The following VARS1 variants were observed in gnomAD, a reference collection of about 807,000 sequenced individuals.
VARS1 encodes the protein valyl-tRNA synthetase 1, also known as valine--tRNA ligase.
VARS1 carries 92 observed loss-of-function variants against 161.0 expected under a neutral mutation model. The observed-to-expected ratio is 0.57, with a 90% CI of 0.48 to 0.68. The LOEUF is 0.68. VARS1 is among the 30% of genes least tolerant of loss of function. The probability of loss-of-function intolerance (pLI) is 0.00; values close to 1 mark genes in which losing one functional copy is unlikely to be tolerated. For synonymous variants in VARS1, 595 were observed against 682.5 expected, an observed-to-expected ratio of 0.87 and a Z score of 2.00; for missense variants, 1,338 against 1,695.9, an observed-to-expected ratio of 0.79 and a Z score of 3.71.
chr6:31,782,728 G>T lies in VARS1; in HGVS notation c.1880C>A (p.Pro627His). The stretch of plus-strand genomic sequence containing the variant: ...TGCCTCAGGCAGCCTCACCAGGAAA[G>T]GCGGAGGCACATTGATGAGGGCCCC... ...SRGALINVPP[P>H]FLGLPRFEAR... Residue 627 changes from proline to histidine, a missense_variant, in exon 15 of 30, where the codon CCT becomes CAT. Physicochemically the swap from Pro to His is moderately conservative, Grantham distance 77. This residue lies in a region of VARS1 where 902 missense variants were observed against 1,090.3 expected (regional missense o/e 0.83). Coordinates refer to ENST00000375663, the MANE Select transcript of VARS1 (RefSeq NM_006295.3). This position sits in a 1 kb window ranked among gnomAD's most constrained non-coding sequence, Gnocchi z 8.3. The T allele has an allele frequency of 6.2e-7, 1 of 1,613,054 alleles. No homozygotes were observed. Among genetic ancestry groups the T allele is most frequent in the Non-Finnish European group, 8.5e-7 (1 of 1,180,002 alleles).
rs149378938 is a variant in VARS1 at position 31,779,470 on chromosome 6, G to A, written c.3355C>T (p.Arg1119Cys). ...ELALSITRAV[R>C]SLRADYNLTR... ...AGGTTGTAGTCGGCCCGCAGGGAGC[G>A]CACGGCTCGCGTGATGCTTAGCGCC... is the stretch of plus-strand genomic sequence containing the variant. Residue 1119 changes from arginine to cysteine, a missense_variant, in exon 28 of 30, where the codon CGC (arginine) becomes TGC (cysteine). Physicochemically the swap from Arg to Cys is radical, Grantham distance 180. Transcript: ENST00000375663. This position sits in a 1 kb window ranked among gnomAD's most constrained non-coding sequence, Gnocchi z 9.1. 18 of 1,612,532 alleles carry A rather than the reference G, an allele frequency of 1.1e-5. No homozygotes were observed. Among genetic ancestry groups the A allele is most frequent in the African/African-American group, 2.7e-5 (2 of 74,916 alleles).
chr6:31,793,379 G>A (rs1419105577), intron 2 of VARS1, among the ~76,000 whole-genome samples: 7 of 151,022 alleles, frequency 4.6e-5, no homozygotes, highest in African/African-American at 1.7e-4. Context: ...GGTGGCGGGC[G>A]CCTGTAGTCC....
intron 8 of VARS1, among the ~76,000 whole-genome samples, chr6:31,790,097 G>A (rs533455198): frequency 2.7e-5 from 4 of 149,370 alleles, no homozygotes; most frequent in East Asian, 1.9e-4. Context: ...AACGATAGCT[G>A]ATGAGCTAAA....
Position 31,785,192 on chromosome 6 carries a change from C to G in VARS1, c.1347+54G>C. The G allele has an allele frequency of 1.2e-6, 2 of 1,607,192 alleles. No homozygotes were observed. Among genetic ancestry groups the G allele is most frequent in the Non-Finnish European group, 1.7e-6 (2 of 1,174,974 alleles). On this transcript the variant is annotated intron_variant, in intron 10 of 29. Transcript: ENST00000375663. The surrounding 1 kb of genome is among the most constrained non-coding windows in gnomAD (Gnocchi z 6.1). ...ACCTCTGCTTTCTCCTGTGGGGGTC[C>G]CACCCTGGGGAGACTCCTACTCCTG...
chr6:31,792,121 C>G, intron 6 of VARS1, 96 bp downstream of exon 6: 1 of 1,524,516 alleles, frequency 6.6e-7, no homozygotes, highest in Non-Finnish European at 8.9e-7. Flanking sequence ...TCTGCAATTC[C>G]TCACCAAACA....
At position 31,784,954 on chromosome 6, in the gene VARS1, T is replaced by C. The variant is rs1227494630; in HGVS notation, c.1348-240A>G. Among the ~76,000 whole-genome samples the C allele has an allele frequency of 2.0e-5, 3 of 152,098 alleles. No individual in the cohort carries two copies. Among genetic ancestry groups the C allele is most frequent in the Non-Finnish European group, 4.4e-5 (3 of 68,008 alleles). ...AGGAAGACAATCAGCTGGGGACAAG[T>C]ACTGGTGCAGAGGACACTGGGAGTT... On this transcript the variant is annotated intron_variant, in intron 10 of 29. Coordinates refer to ENST00000375663, the MANE Select transcript of VARS1 (RefSeq NM_006295.3). The surrounding 1 kb of genome is among the most constrained non-coding windows in gnomAD (Gnocchi z 6.1).
At position 31,780,068 on chromosome 6, in the gene VARS1, G is replaced by T; in HGVS notation, c.3011C>A (p.Ala1004Asp). 1 of 1,614,152 alleles carries T rather than the reference G, an allele frequency of 6.2e-7. No homozygotes were observed. The highest frequency in any genetic ancestry group is 8.5e-7 in the Non-Finnish European group (1 of 1,180,038). ...AVRLSNQGFQ[A>D]YDFPAVTTAQ... The stretch of plus-strand genomic sequence containing the variant: ...AGTGGTGACGGCCGGGAAGTCGTAG[G>T]CCTGGAAGCCTTGATTGCTGAGCCT... Residue 1004 changes from alanine to aspartate, a missense_variant, in exon 26 of 30, where the codon GCC (alanine) becomes GAC (aspartate). Ala to Asp is a moderately radical substitution (Grantham distance 126). Around this residue, in one of 3 missense-constraint regions of VARS1, gnomAD observed 433 missense variants for 586.2 expected, o/e 0.74. Coordinates refer to ENST00000375663, the MANE Select transcript of VARS1 (RefSeq NM_006295.3). This position sits in a 1 kb window ranked among gnomAD's most constrained non-coding sequence, Gnocchi z 5.1.
At position 31,782,107 on chromosome 6, in the gene VARS1, G is replaced by A. The variant is rs750791937; in HGVS notation, c.2221C>T (p.Pro741Ser). Residue 741 changes from proline (P) to serine (S), a missense_variant, in exon 18 of 30, where the codon CCA (proline) becomes TCA (serine). Physicochemically the swap from Pro to Ser is moderately conservative, Grantham distance 74. Coordinates refer to ENST00000375663, the MANE Select transcript of VARS1 (RefSeq NM_006295.3). The surrounding 1 kb of genome is among the most constrained non-coding windows in gnomAD (Gnocchi z 8.3). ...IPAYFVTVSD[P>S]AVPPGEDPDG... ...CTCACCTCCCCAGGGGGCACCGCTG[G>A]GTCACTGACAGTGACAAAGTAGGCT... 1.9e-6 allele frequency: 3 copies of A among 1,613,730 alleles called. No individual in the cohort carries two copies. The highest frequency in any genetic ancestry group is 2.5e-6 in the Non-Finnish European group (3 of 1,179,874).
At chr6:31,783,055 C>T (rs1489540129) in intron 14 of VARS1, 41 bp downstream of exon 14, 3 of 1,605,250 alleles carry the variant, frequency 1.9e-6, no homozygotes, top group Non-Finnish European at 2.6e-6. Flanking sequence ...GGGTGCAGCT[C>T]CAGTCTTTTC....
chr6:31,777,747 G>A lies in VARS1; in HGVS notation c.3727-85C>T. On this transcript the variant is annotated intron_variant, in intron 29 of 29. Transcript: ENST00000375663. This position sits in a 1 kb window ranked among gnomAD's most constrained non-coding sequence, Gnocchi z 5.8. ...CCCAGGACAACAAAGTTGGAAAGATGAGCGAGGACCATGGGAGGTCAGTAG... is the reference window on the plus strand; with the variant it reads ...CCCAGGACAACAAAGTTGGAAAGATAAGCGAGGACCATGGGAGGTCAGTAG... 12 of 1,504,104 alleles carry A rather than the reference G, an allele frequency of 8.0e-6. No homozygotes were observed. The highest frequency in any genetic ancestry group is 3.4e-4 in the Middle Eastern group (2 of 5,886). The allele number at this position is 1,504,104 out of a possible 1,614,324, so 93.2% of individuals were successfully genotyped here.
intron 8 of VARS1, among the ~76,000 whole-genome samples, chr6:31,788,732 C>T (rs1813682584): frequency 2.0e-5 from 3 of 151,724 alleles, no homozygotes; most frequent in African/African-American, 7.3e-5. Flanking sequence ...TGCTGTGAAC[C>T]TGGGAAGCAG....
In VARS1 at chr6:31,777,733, A is replaced by G; in HGVS notation, c.3727-71T>C. On this transcript the variant is annotated intron_variant, in intron 29 of 29. Transcript: ENST00000375663. This position sits in a 1 kb window ranked among gnomAD's most constrained non-coding sequence, Gnocchi z 5.8. ...GAGACCCCCAAACACCCAGGACAAC[A>G]AAGTTGGAAAGATGAGCGAGGACCA... 6.4e-7 allele frequency: 1 copy of G among 1,550,968 alleles called. No individual in the cohort carries two copies. Among genetic ancestry groups the G allele is most frequent in the Non-Finnish European group, 8.8e-7 (1 of 1,139,228 alleles).
In VARS1 at chr6:31,785,772, C is replaced by A; in HGVS notation, c.1101-39G>T. 6.4e-7 allele frequency: 1 copy of A among 1,568,664 alleles called. No homozygotes were observed. Among genetic ancestry groups the A allele is most frequent in the Non-Finnish European group, 8.6e-7 (1 of 1,164,342 alleles). ...TGGAGGACCAGAGGGTGAGCCAGGCCAGTGGGGCCTGGCACCAAAGAAAGC... is the reference window on the plus strand; with the variant it reads ...TGGAGGACCAGAGGGTGAGCCAGGCAAGTGGGGCCTGGCACCAAAGAAAGC... On this transcript the variant is annotated intron_variant, in intron 8 of 29. Transcript: ENST00000375663. The surrounding 1 kb of genome is among the most constrained non-coding windows in gnomAD (Gnocchi z 6.1).
intron 2 of VARS1, among the ~76,000 whole-genome samples, chr6:31,793,789 G>A (rs1311590925): frequency 1.3e-5 from 2 of 151,714 alleles, no homozygotes. Flanking sequence ...TAACTCCTAT[G>A]AAGAAAAATA....
rs1399706687 is a variant in VARS1, at chr6:31,780,319, G to A, written c.2925+122C>T. The A allele has an allele frequency of 2.0e-6, 3 of 1,528,646 alleles. No homozygotes were observed. The highest frequency in any genetic ancestry group is 4.6e-5 in the East Asian group (2 of 43,458). 94.7% of individuals were successfully genotyped at this position (1,528,646 alleles called of 1,614,324 possible). On this transcript the variant is annotated intron_variant, in intron 25 of 29. Transcript: ENST00000375663. This position sits in a 1 kb window ranked among gnomAD's most constrained non-coding sequence, Gnocchi z 5.1. Reference sequence around the variant, plus strand: ...GACAGGCCCCAGCCCCCAATGCGCTGGGCTTTCCCTTTAACTGTCTGTCTC... The same window carrying A: ...GACAGGCCCCAGCCCCCAATGCGCTAGGCTTTCCCTTTAACTGTCTGTCTC...
In VARS1 at chr6:31,782,220, G is replaced by C. The variant is rs954038887; in HGVS notation, c.2151-43C>G. 6.2e-7 allele frequency: 1 copy of C among 1,611,786 alleles called. No individual in the cohort carries two copies. Among genetic ancestry groups the C allele is most frequent in the South Asian group, 1.1e-5 (1 of 90,858 alleles). ...GAGAAATCAGGGAGGGCCTGATGGA[G>C]CCTGGCCCGAGTGAGCCCTGCTCAG... On this transcript the variant is annotated intron_variant, in intron 17 of 29. Coordinates refer to ENST00000375663, the MANE Select transcript of VARS1 (RefSeq NM_006295.3). This position sits in a 1 kb window ranked among gnomAD's most constrained non-coding sequence, Gnocchi z 8.3.
At position 31,785,502 on chromosome 6, in the gene VARS1, CAG is replaced by C; in HGVS notation, c.1265+65_1265+66del. ...CCTGTGGCCAAGGGGTTACAGGTGA[CAG>C]AGGTCTTCTGGATAGGGGACAGGGA... On this transcript the variant is annotated intron_variant, in intron 9 of 29. Coordinates refer to ENST00000375663, the MANE Select transcript of VARS1 (RefSeq NM_006295.3). The surrounding 1 kb of genome is among the most constrained non-coding windows in gnomAD (Gnocchi z 6.1). 2.0e-6 allele frequency: 3 copies of C among 1,531,050 alleles called. No individual in the cohort carries two copies. Among genetic ancestry groups the C allele is most frequent in the Non-Finnish European group, 2.6e-6 (3 of 1,136,286 alleles). 94.8% of individuals were successfully genotyped at this position (1,531,050 alleles called of 1,614,324 possible). A position where few individuals can be genotyped will look rare whatever the true frequency, so the allele number is the denominator to read the frequency against.
chr6:31,787,053 T>C (rs2753961), intron 8 of VARS1, among the ~76,000 whole-genome samples: 10,494 of 131,560 alleles, frequency 0.08, 495 homozygotes, highest in Non-Finnish European at 0.11. Flanking sequence ...TAGTGAGACC[T>C]AGTCTCTGCA....
Position 31,782,751 on chromosome 6 carries a change from C to T in VARS1, c.1857G>A (p.Gly619=). 1 of 1,613,042 alleles carries T rather than the reference C, an allele frequency of 6.2e-7. No individual in the cohort carries two copies. The highest frequency in any genetic ancestry group is 2.2e-5 in the East Asian group (1 of 44,888). Residue 619 remains glycine, a synonymous_variant, in exon 15 of 30, where the codon GGG becomes GGA. Transcript: ENST00000375663. This position sits in a 1 kb window ranked among gnomAD's most constrained non-coding sequence, Gnocchi z 8.3. Reference sequence around the variant, plus strand: ...AAGGCGGAGGCACATTGATGAGGGCCCCCCGGGAGTCCATGATGCTGATGG... The same window carrying T: ...AAGGCGGAGGCACATTGATGAGGGCTCCCCGGGAGTCCATGATGCTGATGG... The part of the protein sequence containing the change: ...LEAISIMDSR[G]ALINVPPPFL...
Sources: allele counts gnomAD v4.1 joint callset (sites outside exome capture counted in the v4.1 genomes callset), GRCh38; gene constraint gnomAD v4.1.1; regional missense constraint gnomAD v4.1.1; non-coding constraint Gnocchi (gnomAD v3.1); transcripts MANE v1.5; gene names NCBI Gene and HGNC (gene_info 2026-07-23, HGNC 2026-07-21).